The following SAMHD1 variants were observed in gnomAD, a reference collection of about 807,000 sequenced individuals.
SAMHD1 encodes deoxynucleoside triphosphate triphosphohydrolase SAMHD1.
In SAMHD1, 54 loss-of-function variants were observed where a neutral mutation model predicts 79.6. That is an observed-to-expected ratio of 0.68 (90% confidence interval 0.55 to 0.85). The LOEUF (loss-of-function observed/expected upper bound fraction) is 0.85, where lower values mean the gene tolerates loss of function less well. Among genes scored for constraint, SAMHD1 ranks in the 40% least tolerant of loss-of-function variants. The probability of loss-of-function intolerance (pLI) is 0.00; values close to 1 mark genes in which losing one functional copy is unlikely to be tolerated. For missense variants in SAMHD1, 663 were observed against 782.7 expected (o/e 0.85, Z 1.82); for synonymous variants, 260 against 264.1 (o/e 0.98, Z 0.15).
intron 12 of SAMHD1, 118 bp downstream of exon 12, chr20:36,905,246 T>G (rs2063398054): frequency 8.8e-7 from 1 of 1,137,060 alleles, no homozygotes; most frequent in Non-Finnish European, 1.3e-6. Context: ...CTGTGAAGAT[T>G]AAATGAGAAT....
At chr20:36,910,118 G>A (rs1361065076) in intron 11 of SAMHD1, among the ~76,000 whole-genome samples, 1 of 151,772 alleles carries the variant, frequency 6.6e-6, no homozygotes, top group East Asian at 1.9e-4. Flanking sequence ...AGCTACTCGG[G>A]AGGCTGAGGC....
chr20:36,906,874 C>A (rs903933544), intron 11 of SAMHD1, among the ~76,000 whole-genome samples: 1 of 151,866 alleles, frequency 6.6e-6, no homozygotes, highest in Non-Finnish European at 1.5e-5. Context: ...TCACTGCAAC[C>A]TCTACCTCCT....
At chr20:36,918,247 G>A (rs7261175) in intron 7 of SAMHD1, among the ~76,000 whole-genome samples, 33,655 of 151,542 alleles carry the variant, frequency 0.22, 4,466 homozygotes, top group East Asian at 0.45. Flanking sequence ...CACTGAGCCT[G>A]GCCAAATATG....
chr20:36,926,759 T>C lies in SAMHD1; in HGVS notation c.696+423A>G, dbSNP rs147577002. On this transcript the variant is annotated intron_variant, in intron 6 of 15. Coordinates refer to ENST00000646673, the MANE Select transcript of SAMHD1 (RefSeq NM_015474.4). Reference sequence around the variant, plus strand: ...CACCTGCAAATGCCTAATTTTAAAATGATTCATTTAATATATATGACTTGG... The same window carrying C: ...CACCTGCAAATGCCTAATTTTAAAACGATTCATTTAATATATATGACTTGG... Among the ~76,000 whole-genome samples, 601 of 152,340 alleles carry C rather than the reference T, an allele frequency of 3.9e-3. 8 individuals are homozygous for C. The highest frequency in any genetic ancestry group is 0.014 in the African/African-American group (583 of 41,576).
intron 15 of SAMHD1, chr20:36,893,623 G>C: frequency 2.8e-6 from 1 of 360,246 alleles, no homozygotes; most frequent in Non-Finnish European, 4.9e-6. Context: ...ACAATGACGT[G>C]AAACCATAGA....
chr20:36,929,601 A>C (rs1172787207), intron 5 of SAMHD1, among the ~76,000 whole-genome samples: 1 of 151,976 alleles, frequency 6.6e-6, no homozygotes, highest in Non-Finnish European at 1.5e-5. Flanking sequence ...GCCAGGCGCT[A>C]CTCGGGAGGC....
At chr20:36,900,308 C>T (rs1278083323) in intron 13 of SAMHD1, among the ~76,000 whole-genome samples, 2 of 152,042 alleles carry the variant, frequency 1.3e-5, no homozygotes, top group Non-Finnish European at 1.5e-5. Context: ...TGCAGTGGCA[C>T]AATCTCGGCA....
At chr20:36,945,347 CA>C (rs779740211) in intron 2 of SAMHD1, among the ~76,000 whole-genome samples, 2 of 152,198 alleles carry the variant, frequency 1.3e-5, no homozygotes, top group Non-Finnish European at 2.9e-5. Context: ...CCAAATTATA[CA>C]ACTAAAAAGT....
At chr20:36,937,062 A>G (rs1381817125) in intron 3 of SAMHD1, among the ~76,000 whole-genome samples, 1 of 150,210 alleles carries the variant, frequency 6.7e-6, no homozygotes, top group African/African-American at 2.5e-5. Flanking sequence ...AATCGCTTGA[A>G]CCCAGGAGGC....
intron 15 of SAMHD1, 135 bp from the exon 16 acceptor site, chr20:36,893,201 A>G: frequency 9.5e-7 from 1 of 1,053,904 alleles, no homozygotes; most frequent in East Asian, 2.5e-5. Context: ...ATCCAGGGAA[A>G]CTCCAAATTA....
Position 36,927,322 on chromosome 20 carries a change from T to C in SAMHD1, c.626-70A>G, listed in dbSNP as rs949437816. 3 of 1,353,700 alleles carry C rather than the reference T, an allele frequency of 2.2e-6. No homozygotes were observed. The African/African-American group carries it at 4.4e-5, about 20-fold the overall frequency. 83.9% of individuals were successfully genotyped at this position (1,353,700 alleles called of 1,614,324 possible). A position where few individuals can be genotyped will look rare whatever the true frequency, so the allele number is the denominator to read the frequency against. On this transcript the variant is annotated intron_variant, in intron 5 of 15. Coordinates refer to ENST00000646673, the MANE Select transcript of SAMHD1 (RefSeq NM_015474.4). ...CCAACAAAAACTTTTTCCTTTTTTT[T>C]TTTTTTTTTTTTGAGACGGAGTTTC...
intron 13 of SAMHD1, among the ~76,000 whole-genome samples, chr20:36,903,645 G>T (rs1054844981): frequency 3.3e-5 from 5 of 150,652 alleles, no homozygotes; most frequent in Non-Finnish European, 5.9e-5. Flanking sequence ...TGCCTCCTGG[G>T]TTCAAGCAAT....
chr20:36,919,379 A>G lies in SAMHD1; in HGVS notation c.837T>C (p.Pro279=). 1 of 1,613,590 alleles carries G rather than the reference A, an allele frequency of 6.2e-7. No homozygotes were observed. Among genetic ancestry groups the G allele is most frequent in the African/African-American group, 1.3e-5 (1 of 75,048 alleles). The stretch of plus-strand genomic sequence containing the variant: ...ATAAACTTACCAATGAATCTTCGAC[A>G]GGTGATTCAAGTGGTCCTACAATTT... ...KEQIVGPLES[P]VEDSLWPYKG... is the part of the protein sequence containing the mutation. The change falls in exon 7 of 16, where the codon CCT becomes CCC. Residue 279 remains proline (P), a synonymous_variant. Coordinates refer to ENST00000646673, the MANE Select transcript of SAMHD1 (RefSeq NM_015474.4).
At chr20:36,911,096 T>A (rs1003468770) in intron 11 of SAMHD1, 122 bp downstream of exon 11, 27 of 636,464 alleles carry the variant, frequency 4.2e-5, no homozygotes, top group Non-Finnish European at 5.9e-5. Flanking sequence ...TTTATTTTTT[T>A]AAAATTAAAT....
In SAMHD1 at chr20:36,941,078, A is replaced by G. The variant is rs1348680871; in HGVS notation, c.309T>C (p.Tyr103=). The G allele has an allele frequency of 6.2e-7, 1 of 1,613,470 alleles. No homozygotes were observed. The highest frequency in any genetic ancestry group is 8.5e-7 in the Non-Finnish European group (1 of 1,179,654). Residue 103 remains tyrosine (Y), a synonymous_variant, in exon 3 of 16, where the codon TAT becomes TAC. Coordinates refer to ENST00000646673, the MANE Select transcript of SAMHD1 (RefSeq NM_015474.4). ...SLGERKKLLS[Y]IQRLVQIHVD... ...CGTGGATTTGAACCAATCGCTGGATATAACTAAGCAGCTTCTTCCTCTCCC... is the reference window on the plus strand; with the variant it reads ...CGTGGATTTGAACCAATCGCTGGATGTAACTAAGCAGCTTCTTCCTCTCCC...
intron 9 of SAMHD1, among the ~76,000 whole-genome samples, chr20:36,914,482 C>T (rs912800351): frequency 1.3e-5 from 2 of 151,878 alleles, no homozygotes; most frequent in African/African-American, 2.4e-5. Context: ...TCCCAAGTAG[C>T]TGGGATTACA....
At position 36,898,460 on chromosome 20, in the gene SAMHD1, T is replaced by C. The variant is rs1212087633; in HGVS notation, c.1588A>G (p.Ile530Val). 6.2e-6 allele frequency: 10 copies of C among 1,613,644 alleles called. No homozygotes were observed. The highest frequency in any genetic ancestry group is 3.3e-5 in the South Asian group (3 of 91,080). ...GTTACCTGGTTTTTAGTAATCCTGA[T>C]TGCTCTGTTGGGGGCAGTCTTACAA... ...FYCKTAPNRA[I>V]RITKNQVSQL... The change falls in exon 14 of 16, where the codon ATC becomes GTC. Residue 530 changes from isoleucine (I) to valine (V), a missense_variant. Physicochemically the swap from Ile to Val is conservative, Grantham distance 29 (BLOSUM62 3). Transcript: ENST00000646673.
At chr20:36,930,711 A>G (rs749161166) in intron 5 of SAMHD1, 49 bp downstream of exon 5, 70 of 1,225,730 alleles carry the variant, frequency 5.7e-5, no homozygotes, top group Non-Finnish European at 8.0e-5. Flanking sequence ...AAGAGAGGTA[A>G]CATATGTTAT....
rs1473745102 is a variant in SAMHD1, at chr20:36,891,324, A to G, written c.*1608T>C. 6.6e-6 allele frequency: 1 copy of G among 152,346 alleles called. No individual in the cohort carries two copies. Among genetic ancestry groups the G allele is most frequent in the Admixed American group, 6.5e-5 (1 of 15,286 alleles). 9.4% of individuals were successfully genotyped at this position (152,346 alleles called of 1,614,324 possible). ...GAATCTGGCTACACGGTGGCCAGTG[A>G]TGGACTGCTGGGAAATCTGCTGGCC... is the stretch of plus-strand genomic sequence containing the variant. On this transcript the variant is annotated 3_prime_UTR_variant, in exon 16 of 16. Coordinates refer to ENST00000646673, the MANE Select transcript of SAMHD1 (RefSeq NM_015474.4).
Sources: gnomAD v4.1 joint callset for allele counts (sites outside exome capture counted in the v4.1 genomes callset) on GRCh38, gnomAD v4.1.1 for gene constraint, MANE v1.5 for transcripts, NCBI Gene and HGNC (gene_info 2026-07-23, HGNC 2026-07-21) for gene names.